Variants in EIF4E3 observed in about 807,000 individuals in gnomAD.
EIF4E3 encodes eukaryotic translation initiation factor 4E type 3.
Under a neutral mutation model 31.7 loss-of-function variants are expected in EIF4E3, and 26 were observed. That is an observed-to-expected ratio of 0.82 (90% CI 0.60 to 1.14). The LOEUF (loss-of-function observed/expected upper bound fraction) is 1.14, where lower values mean the gene tolerates loss of function less well. Ranked by LOEUF, EIF4E3 falls within the 50% of genes most tolerant of loss-of-function variation. The pLI is 0.00. For missense variants in EIF4E3, 304 were observed against 270.9 expected (o/e 1.12, Z -0.86); for synonymous variants, 128 against 107.7 (o/e 1.19, Z -1.17).
the EIF4E3 span, among the ~76,000 whole-genome samples, chr3:71,669,557 C>T: frequency 8.5e-5 from 13 of 152,100 alleles, no homozygotes; most frequent in Non-Finnish European, 1.3e-4. Flanking sequence ...CAAATGGATA[C>T]GTTAAATGGC....
At chr3:71,719,052 T>C (rs1227520047) in intron 1 of EIF4E3, among the ~76,000 whole-genome samples, 2 of 152,178 alleles carry the variant, frequency 1.3e-5, no homozygotes, top group Non-Finnish European at 2.9e-5. Context: ...CAGCCCTACC[T>C]TCCCATATCA....
At chr3:71,715,602 C>T (rs1399819690) in intron 1 of EIF4E3, among the ~76,000 whole-genome samples, 1 of 152,184 alleles carries the variant, frequency 6.6e-6, no homozygotes, top group Non-Finnish European at 1.5e-5. Flanking sequence ...AATCAGGACC[C>T]TGGTTCGGAA....
rs564434044 is a variant in EIF4E3, at chr3:71,703,199, T to C, written c.250-3491A>G. ...AGTCAACATCTGTGACCATCAGTTG[T>C]GAACAGAGCACTGTGACGGGTCCTT... On this transcript the variant is annotated intron_variant, in intron 2 of 6. Transcript: ENST00000425534. Among the ~76,000 whole-genome samples the C allele has an allele frequency of 2.6e-5, 4 of 152,292 alleles. No homozygotes were observed. The South Asian group carries it at 6.2e-4, about 24-fold the overall frequency.
intron 1 of EIF4E3, among the ~76,000 whole-genome samples, chr3:71,745,142 GATTT>G (rs888604118): frequency 6.6e-6 from 1 of 152,178 alleles, no homozygotes; most frequent in Non-Finnish European, 1.5e-5. Flanking sequence ...TTATCTCTAA[GATTT>G]ATTTTTACAG....
Position 71,741,318 on chromosome 3 carries a change from A to C in EIF4E3, c.-291+12145T>G, listed in dbSNP as rs149037021. ...CTACAATGAAATAATTTTTAAAGTA[A>C]AAAAAGAAGGTACATTGTGCTAATT... On this transcript the variant is annotated intron_variant, in intron 1 of 7. Transcript: ENST00000295612. Among the ~76,000 whole-genome samples, 981 of 152,276 alleles carry C rather than the reference A, an allele frequency of 6.4e-3. 5 individuals are homozygous for C. The highest frequency in any genetic ancestry group is 0.023 in the African/African-American group (937 of 41,542).
intron 1 of EIF4E3, among the ~76,000 whole-genome samples, chr3:71,735,525 G>A (rs1196840870): frequency 6.6e-6 from 1 of 152,206 alleles, no homozygotes; most frequent in Non-Finnish European, 1.5e-5. Flanking sequence ...GCTAATAGGT[G>A]TAATGTCACC....
chr3:71,729,798 ATGTGTGTGTGTG>A (rs3066626), upstream of EIF4E3, among the ~76,000 whole-genome samples: 245 of 129,772 alleles, frequency 1.9e-3, no homozygotes, highest in African/African-American at 5.6e-3. Context: ...TTCCAATAGA[ATGTGTGTGTGTG>A]TGTGTGTGTG....
upstream of EIF4E3, chr3:71,753,662 G>GGCGGCGGCGGCA (rs1408841055): frequency 6.7e-6 from 1 of 148,822 alleles, no homozygotes. Context: ...CGGCGGCGGC[G>GGCGGCGGCGGCA]GCGGCGGCAG....
rs1014558198 is a variant in EIF4E3, at chr3:71,676,493, C to A, written c.*8189G>T. On this transcript the variant is annotated 3_prime_UTR_variant, in exon 7 of 7. Transcript: ENST00000425534. ...AAAAGGTTTTATAAAACCTTTGTTTCATTTCATAAAACAAAATCAGTGAGT... is the reference window on the plus strand; with the variant it reads ...AAAAGGTTTTATAAAACCTTTGTTTAATTTCATAAAACAAAATCAGTGAGT... The A allele has an allele frequency of 6.6e-6, 1 of 152,106 alleles. No homozygotes were observed. The highest frequency in any genetic ancestry group is 2.1e-4 in the South Asian group (1 of 4,826). The allele number at this position is 152,106 out of a possible 1,614,324, so 9.4% of individuals were successfully genotyped here.
chr3:71,684,666 T>G lies in EIF4E3; in HGVS notation c.*16A>C. On this transcript the variant is annotated 3_prime_UTR_variant, in exon 7 of 7. Transcript: ENST00000425534. ...AACCAATCAGCAAAGGACAAAGAATTCTTTACAGAGTGCAATTAGTGTTTT... is the reference window on the plus strand; with the variant it reads ...AACCAATCAGCAAAGGACAAAGAATGCTTTACAGAGTGCAATTAGTGTTTT... 1 of 1,613,598 alleles carries G rather than the reference T, an allele frequency of 6.2e-7. No homozygotes were observed. Among genetic ancestry groups the G allele is most frequent in the Non-Finnish European group, 8.5e-7 (1 of 1,179,852 alleles).
In EIF4E3 at chr3:71,698,496, T is replaced by C. The variant is rs2049170951; in HGVS notation, c.344+1118A>G. Among the ~76,000 whole-genome samples the C allele has an allele frequency of 5.3e-5, 8 of 152,206 alleles. No homozygotes were observed. In the South Asian group the frequency reaches 1.4e-3, roughly 28 times the overall value. Reference sequence around the variant, plus strand: ...CCTTTCTGGTAAGAGCATCCCAGTTTCCCTCTAAAGAGCCACTTGCCCCCT... The same window carrying C: ...CCTTTCTGGTAAGAGCATCCCAGTTCCCCTCTAAAGAGCCACTTGCCCCCT... On this transcript the variant is annotated intron_variant, in intron 3 of 6. Transcript: ENST00000425534.
Position 71,679,146 on chromosome 3 carries a change from A to C in EIF4E3, c.*5536T>G, listed in dbSNP as rs577695603. 14 of 152,338 alleles carry C rather than the reference A, an allele frequency of 9.2e-5. No individual in the cohort carries two copies. The East Asian group carries it at 2.7e-3, about 29-fold the overall frequency. The allele number at this position is 152,338 out of a possible 1,614,324, so 9.4% of individuals were successfully genotyped here. On this transcript the variant is annotated 3_prime_UTR_variant, in exon 7 of 7. Transcript: ENST00000425534. The stretch of plus-strand genomic sequence containing the variant: ...TTTATTAAAATGTTCAAAGTCCTTT[A>C]ATATTCACCATTCATCATGTAATGT...
At chr3:71,725,458 G>T (rs1334452103), upstream of EIF4E3, 1 of 758,026 alleles carries the variant, frequency 1.3e-6, no homozygotes, top group Non-Finnish European at 1.6e-6. This position sits in a 1 kb window ranked among gnomAD's most constrained non-coding sequence, Gnocchi z 6.1. Context: ...GCCCCGCCCC[G>T]CGCGCCCCGC....
At chr3:71,703,094 G>T (rs1559597149) in intron 2 of EIF4E3, among the ~76,000 whole-genome samples, 1 of 152,204 alleles carries the variant, frequency 6.6e-6, no homozygotes, top group Non-Finnish European at 1.5e-5. Context: ...ATTAATGATG[G>T]TTAAATGCTT....
At chr3:71,738,822 A>G in intron 1 of EIF4E3, among the ~76,000 whole-genome samples, 1 of 151,990 alleles carries the variant, frequency 6.6e-6, no homozygotes, top group African/African-American at 2.4e-5. Flanking sequence ...TGTCATATAT[A>G]GCACTTTAGC....
chr3:71,739,954 A>G (rs924643795), intron 1 of EIF4E3, among the ~76,000 whole-genome samples: 1 of 152,152 alleles, frequency 6.6e-6, no homozygotes, highest in Non-Finnish European at 1.5e-5. Flanking sequence ...GTTGGGAGGG[A>G]GAAATGAGAA....
At chr3:71,715,008 C>T (rs4586773) in intron 1 of EIF4E3, among the ~76,000 whole-genome samples, 44,999 of 152,146 alleles carry the variant, frequency 0.3, 6,768 homozygotes, top group East Asian at 0.46. Flanking sequence ...AACCTTCCTT[C>T]CCCAGCAGAA....
chr3:71,735,235 T>C (rs576773622), intron 1 of EIF4E3, among the ~76,000 whole-genome samples: 32 of 152,196 alleles, frequency 2.1e-4, no homozygotes, highest in Non-Finnish European at 4.0e-4. Flanking sequence ...ATAATTTCCT[T>C]TATTTTACAT....
At chr3:71,698,450 G>A (rs986556917) in intron 3 of EIF4E3, among the ~76,000 whole-genome samples, 2 of 152,200 alleles carry the variant, frequency 1.3e-5, no homozygotes, top group Admixed American at 6.5e-5. Flanking sequence ...TCTGCTGTGT[G>A]TCACTGCTTA....
Sources: allele counts gnomAD v4.1 joint callset (sites outside exome capture counted in the v4.1 genomes callset), GRCh38; gene constraint gnomAD v4.1.1; non-coding constraint Gnocchi (gnomAD v3.1); transcripts MANE v1.5; gene names NCBI Gene and HGNC (gene_info 2026-07-23, HGNC 2026-07-21).